Variants in SEM1 observed in about 807,000 individuals in gnomAD.
The protein encoded by SEM1 is 26S proteasome complex subunit SEM1.
SEM1 carries 3 observed loss-of-function variants against 12.7 expected under a neutral mutation model. The ratio of observed to expected loss-of-function variants is 0.24; its 90% CI spans 0.11 to 0.61. The LOEUF is 0.61. Ranked by LOEUF, SEM1 falls within the 20% of genes least tolerant of loss-of-function variation. SEM1 has a pLI of 0.88. For missense variants in SEM1, 59 were observed against 81.3 expected, an observed-to-expected ratio of 0.73 and a Z score of 1.06; for synonymous variants, 30 against 27.8, an observed-to-expected ratio of 1.08 and a Z score of -0.25.
chr7:96,655,045 T>A lies in SEM1; in HGVS notation c.171-32402A>T, dbSNP rs569103714. On this transcript the variant is annotated intron_variant, in intron 2 of 2. Coordinates refer to the SEM1 transcript ENST00000417009. Reference sequence around the variant, plus strand: ...ATTGCTCTAAGCACTTAGAGCCTAGTCTGTTTCCATGAAGCTCTGCAGGAA... The same window carrying A: ...ATTGCTCTAAGCACTTAGAGCCTAGACTGTTTCCATGAAGCTCTGCAGGAA... Among the ~76,000 whole-genome samples the A allele has an allele frequency of 6.9e-4, 105 of 152,296 alleles. No individual in the cohort carries two copies. The Middle Eastern group carries it at 0.01, about 15-fold the overall frequency.
chr7:96,527,508 T>G (rs1804505467), intron 2 of SEM1, among the ~76,000 whole-genome samples: 1 of 152,096 alleles, frequency 6.6e-6, no homozygotes, highest in South Asian at 2.1e-4. Flanking sequence ...CCCTGCTTTG[T>G]CTCACATTTA....
chr7:96,534,133 G>A (rs1292446963), intron 2 of SEM1, among the ~76,000 whole-genome samples: 1 of 151,950 alleles, frequency 6.6e-6, no homozygotes, highest in Admixed American at 6.6e-5. Context: ...ACAAACTAAG[G>A]TTATTTATAC....
At chr7:96,504,454 G>C (rs1192488124) in intron 3 of SEM1, among the ~76,000 whole-genome samples, 1 of 152,072 alleles carries the variant, frequency 6.6e-6, no homozygotes, top group Non-Finnish European at 1.5e-5. Flanking sequence ...ATGAGCTCAT[G>C]AACTGATTCA....
chr7:96,521,693 G>A lies in SEM1; in HGVS notation c.171-14995C>T, dbSNP rs116503351. On this transcript the variant is annotated intron_variant and NMD_transcript_variant, in intron 2 of 3. Transcript: ENST00000466986. ...TTTCCCAACCCACACTGAATTACAC[G>A]CTGACCAAAGCTCCCCTGGAGTCAC... Among the ~76,000 whole-genome samples, 840 of 152,082 alleles carry A rather than the reference G, an allele frequency of 5.5e-3. 5 individuals carry two copies. Among genetic ancestry groups the A allele is most frequent in the African/African-American group, 0.018 (735 of 41,482 alleles).
chr7:96,572,023 A>G (rs1382851590), intron 2 of SEM1, among the ~76,000 whole-genome samples: 1 of 152,092 alleles, frequency 6.6e-6, no homozygotes, highest in Admixed American at 6.6e-5. Flanking sequence ...GAGAGTGTAC[A>G]TGTACAGGAA....
intron 2 of SEM1, among the ~76,000 whole-genome samples, chr7:96,555,267 C>G (rs973988052): frequency 6.6e-6 from 1 of 151,996 alleles, no homozygotes; most frequent in African/African-American, 2.4e-5. Context: ...TTTTCTAGTT[C>G]CTTTAATTGT....
chr7:96,512,881 G>A (rs1437720135), intron 2 of SEM1, among the ~76,000 whole-genome samples: 1 of 152,054 alleles, frequency 6.6e-6, no homozygotes, highest in East Asian at 1.9e-4. Context: ...AAACATAGAA[G>A]GGAGGCAAAG....
intron 2 of SEM1, among the ~76,000 whole-genome samples, chr7:96,521,156 C>A (rs1489643445): frequency 6.6e-6 from 1 of 152,090 alleles, no homozygotes; most frequent in Non-Finnish European, 1.5e-5. Context: ...AAAAGGAGGG[C>A]CTGCAATCTC....
intron 2 of SEM1, among the ~76,000 whole-genome samples, chr7:96,586,379 A>T (rs1308488476): frequency 2.6e-5 from 4 of 152,188 alleles, no homozygotes; most frequent in Admixed American, 2.6e-4. Context: ...ATGTGTGAAA[A>T]TGGGTAAGAG....
chr7:96,519,700 C>T (rs954803009), intron 2 of SEM1, among the ~76,000 whole-genome samples: 1 of 151,924 alleles, frequency 6.6e-6, no homozygotes, highest in Admixed American at 6.6e-5. Context: ...TGTGTTTAGA[C>T]AAAATGAAAA....
chr7:96,520,921 A>G (rs62470051), intron 2 of SEM1, among the ~76,000 whole-genome samples: 36,584 of 151,902 alleles, frequency 0.24, 4,591 homozygotes, highest in Middle Eastern at 0.34. Context: ...TTTCTCCTCC[A>G]TGGCTGATTG....
intron 2 of SEM1, among the ~76,000 whole-genome samples, chr7:96,647,822 T>G (rs1808848886): frequency 6.6e-6 from 1 of 152,204 alleles, no homozygotes; most frequent in South Asian, 2.1e-4. Flanking sequence ...AGCAGGAAGC[T>G]CACGTTCTGC....
intron 2 of SEM1, among the ~76,000 whole-genome samples, chr7:96,591,696 G>A (rs913533220): frequency 6.6e-6 from 1 of 152,108 alleles, no homozygotes; most frequent in Non-Finnish European, 1.5e-5. Context: ...TCCTTACATG[G>A]GGTCTTTGTT....
At chr7:96,565,102 C>T (rs1436340520) in intron 2 of SEM1, among the ~76,000 whole-genome samples, 2 of 152,054 alleles carry the variant, frequency 1.3e-5, no homozygotes, top group East Asian at 3.9e-4. Context: ...TCCAGGAATC[C>T]TCATCAGAGC....
intron 2 of SEM1, among the ~76,000 whole-genome samples, chr7:96,559,797 T>C (rs1805636540): frequency 6.6e-6 from 1 of 152,186 alleles, no homozygotes; most frequent in Non-Finnish European, 1.5e-5. Context: ...CTCTGGCCAA[T>C]TAGCTCTAAA....
intron 2 of SEM1, among the ~76,000 whole-genome samples, chr7:96,553,188 C>T (rs1805350565): frequency 6.7e-6 from 1 of 150,086 alleles, no homozygotes; most frequent in African/African-American, 2.4e-5. Flanking sequence ...TGCAGAAGCT[C>T]TTTAGTTTAA....
At chr7:96,519,451 G>A (rs1165804605) in intron 2 of SEM1, among the ~76,000 whole-genome samples, 2 of 152,000 alleles carry the variant, frequency 1.3e-5, no homozygotes, top group Non-Finnish European at 2.9e-5. Context: ...TACATACTAC[G>A]GAAAAAGAAA....
At chr7:96,562,823 T>TGG (rs1302462986) in intron 2 of SEM1, among the ~76,000 whole-genome samples, 1 of 152,144 alleles carries the variant, frequency 6.6e-6, no homozygotes, top group Non-Finnish European at 1.5e-5. Flanking sequence ...CCACCATGCG[T>TGG]GGCTCTGTTG....
intron 2 of SEM1, among the ~76,000 whole-genome samples, chr7:96,570,357 C>G (rs1179176552): frequency 6.6e-6 from 1 of 151,970 alleles, no homozygotes; most frequent in Admixed American, 6.6e-5. Context: ...CCCCCCACCC[C>G]CTGACAGGCC....
Sources: gnomAD v4.1 joint callset for allele counts (sites outside exome capture counted in the v4.1 genomes callset) on GRCh38, gnomAD v4.1.1 for gene constraint, MANE v1.5 for transcripts, NCBI Gene and HGNC (gene_info 2026-07-23, HGNC 2026-07-21) for gene names.